PDXDC1: variants seen among roughly 807,000 people sequenced by gnomAD.
PDXDC1 encodes pyridoxal dependent decarboxylase domain containing 1, also known as pyridoxal-dependent decarboxylase domain-containing protein 1.
A neutral mutation model predicts 100.1 loss-of-function variants in PDXDC1; 42 were observed. The observed-to-expected ratio is 0.42, with a 90% confidence interval of 0.33 to 0.54. PDXDC1 has a LOEUF of 0.54. Among genes scored for constraint, PDXDC1 ranks in the 20% least tolerant of loss-of-function variants. The pLI is 0.10. For synonymous variants in PDXDC1, 260 were observed against 371.7 expected (o/e 0.70, Z 3.46); for missense variants, 636 against 979.2 (o/e 0.65, Z 4.68).
intron 16 of PDXDC1, chr16:15,079,974 A>G (rs1317743086): frequency 6.4e-7 from 1 of 1,564,536 alleles, no homozygotes; most frequent in East Asian, 2.3e-5. Flanking sequence ...AAATGAAAAT[A>G]AAAATAGATT....
intron 18 of PDXDC1, 47 bp downstream of exon 18, chr16:15,033,026 T>C: frequency 8.2e-7 from 1 of 1,223,422 alleles, no homozygotes; most frequent in Non-Finnish European, 1.2e-6. Context: ...GAAGGACACT[T>C]GGTAACCGGC....
At chr16:15,090,304 G>A (rs2046081400) in intron 16 of PDXDC1, among the ~76,000 whole-genome samples, 3 of 152,134 alleles carry the variant, frequency 2.0e-5, no homozygotes, top group Admixed American at 2.0e-4. Context: ...GGACTTAAAT[G>A]TGAGTGAGAA....
At chr16:15,074,801 C>T in intron 16 of PDXDC1, 6 of 1,614,040 alleles carry the variant, frequency 3.7e-6, no homozygotes, top group African/African-American at 1.3e-5. Flanking sequence ...ACAGGATGCA[C>T]CATCTGGTCG....
downstream of PDXDC1, among the ~76,000 whole-genome samples, chr16:15,144,062 AGG>A (rs2048516040): frequency 6.6e-6 from 1 of 152,094 alleles, no homozygotes; most frequent in Non-Finnish European, 1.5e-5. Flanking sequence ...AGACCCAGGG[AGG>A]CCCCATGCCC....
At chr16:15,111,155 C>G (rs895678173) in intron 16 of PDXDC1, among the ~76,000 whole-genome samples, 1 of 124,992 alleles carries the variant, frequency 8.0e-6, no homozygotes, top group Non-Finnish European at 1.8e-5. Context: ...CACACACACA[C>G]AAAACACACA....
At chr16:15,083,380 CAG>C (rs1270466747) in intron 16 of PDXDC1, 1 of 1,391,044 alleles carries the variant, frequency 7.2e-7, no homozygotes, top group Non-Finnish European at 9.7e-7. Flanking sequence ...GCTTGGGCGA[CAG>C]AGTGAGACTC....
intron 16 of PDXDC1, among the ~76,000 whole-genome samples, chr16:15,057,776 G>A (rs1175501369): frequency 6.6e-6 from 1 of 152,232 alleles, no homozygotes; most frequent in Non-Finnish European, 1.5e-5. Flanking sequence ...TCAAAGTGAG[G>A]CATTTGGAAG....
intron 16 of PDXDC1, chr16:15,086,478 T>G: frequency 1.2e-6 from 2 of 1,609,522 alleles, no homozygotes; most frequent in Non-Finnish European, 1.7e-6. Context: ...AAGAGTACTT[T>G]CAAAATCACA....
chr16:15,134,273 C>A, intron 16 of PDXDC1: 1 of 718,960 alleles, frequency 1.4e-6, no homozygotes, highest in East Asian at 2.7e-5. Context: ...CGGCTCACTT[C>A]GTACACGGCC....
chr16:15,057,142 C>T (rs2044554461), intron 16 of PDXDC1, among the ~76,000 whole-genome samples: 1 of 152,204 alleles, frequency 6.6e-6, no homozygotes, highest in African/African-American at 2.4e-5. Context: ...TATTCATCGT[C>T]TTCTTTCATA....
rs199890384 is a variant in PDXDC1 at position 15,014,206 on chromosome 16, C to CA, written c.728-1907dup. On this transcript the variant is annotated intron_variant, in intron 8 of 22. Coordinates refer to ENST00000396410, the MANE Select transcript of PDXDC1 (RefSeq NM_015027.4). ...TGGGCAACAGGGTGAGACTCTGTCT[C>CA]AAAAAAAAAAAAAAAAGACAAAATA... is the stretch of plus-strand genomic sequence containing the variant. Among the ~76,000 whole-genome samples the CA allele has an allele frequency of 6.2e-3, 894 of 144,162 alleles. 1 individual carries two copies. The highest frequency in any genetic ancestry group is 0.014 in the Middle Eastern group (4 of 276). 94.6% of individuals were successfully genotyped at this position (144,162 alleles called of 152,430 possible).
intron 16 of PDXDC1, among the ~76,000 whole-genome samples, chr16:15,068,744 A>G (rs951265494): frequency 6.6e-6 from 1 of 152,210 alleles, no homozygotes; most frequent in Non-Finnish European, 1.5e-5. Flanking sequence ...TCTAAACAAG[A>G]AAACTCCAAA....
At chr16:14,976,097 G>C (rs1319082119) in intron 1 of PDXDC1, among the ~76,000 whole-genome samples, 2 of 152,286 alleles carry the variant, frequency 1.3e-5, no homozygotes, top group Admixed American at 1.3e-4. Flanking sequence ...CATTGTCCCA[G>C]TGTTAGGGCT....
At chr16:15,080,706 G>A (rs1432929169) in intron 16 of PDXDC1, among the ~76,000 whole-genome samples, 1 of 152,120 alleles carries the variant, frequency 6.6e-6, no homozygotes, top group Non-Finnish European at 1.5e-5. Flanking sequence ...ATGGGCATAA[G>A]CCACTGCGCC....
intron 16 of PDXDC1, chr16:15,047,600 G>A (rs1167182013): frequency 7.4e-7 from 1 of 1,346,396 alleles, no homozygotes; most frequent in South Asian, 1.2e-5. Context: ...TGCGAGTGCA[G>A]TGCGCAGGCC....
intron 16 of PDXDC1, chr16:15,048,070 A>T: frequency 6.2e-7 from 1 of 1,612,348 alleles, no homozygotes; most frequent in Non-Finnish European, 8.5e-7. Context: ...CTTGTTGAAC[A>T]GACTGACCTC....
chr16:15,106,177 G>A (rs2046788818), intron 16 of PDXDC1: 1 of 690,658 alleles, frequency 1.4e-6, no homozygotes, highest in Non-Finnish European at 2.3e-6. Flanking sequence ...ATGAGAAATT[G>A]AATGTTGAGA....
intron 15 of PDXDC1, chr16:15,029,455 G>C (rs2042889568): frequency 2.8e-6 from 1 of 356,804 alleles, no homozygotes; most frequent in Non-Finnish European, 4.9e-6. Flanking sequence ...GCCCAGCCTA[G>C]CAGGGTTGGC....
chr16:15,017,428 T>A lies in PDXDC1; in HGVS notation c.963+6T>A, dbSNP rs533963988. On this transcript the variant is annotated splice_donor_region_variant and intron_variant, in intron 11 of 22. Transcript: ENST00000396410. The stretch of plus-strand genomic sequence containing the variant: ...AACACGATGACCCTGCCTTGGTAAG[T>A]TTCCACTCACTGGGGAGGGAGTGGG... 10 of 1,613,832 alleles carry A rather than the reference T, an allele frequency of 6.2e-6. No individual in the cohort carries two copies. In the East Asian group the frequency reaches 2.2e-4, roughly 36 times the overall value.
Sources: allele counts gnomAD v4.1 joint callset (sites outside exome capture counted in the v4.1 genomes callset), GRCh38; gene constraint gnomAD v4.1.1; transcripts MANE v1.5; gene names NCBI Gene and HGNC (gene_info 2026-07-23, HGNC 2026-07-21).